SEC16A: variants seen among roughly 807,000 people sequenced by gnomAD.
The protein encoded by SEC16A is protein transport protein Sec16A.
In SEC16A, 110 loss-of-function variants were observed where a neutral mutation model predicts 221.9. The ratio of observed to expected loss-of-function variants is 0.50; its 90% CI spans 0.42 to 0.58. The LOEUF is 0.58. SEC16A is among the 20% of genes least tolerant of loss of function. The pLI is 0.00. For synonymous variants in SEC16A, 1,393 were observed against 1,257.7 expected (o/e 1.11, Z -2.28); for missense variants, 3,165 against 3,097.8 (o/e 1.02, Z -0.52).
chr9:136,468,212 A>G (rs1332838600), intron 5 of SEC16A, among the ~76,000 whole-genome samples: 1 of 152,272 alleles, frequency 6.6e-6, no homozygotes, highest in African/African-American at 2.4e-5. Context: ...GTAATTTAGT[A>G]ATGAAAAATA....
chr9:136,471,077 C>T (rs7861550), intron 4 of SEC16A, among the ~76,000 whole-genome samples: 3,380 of 152,036 alleles, frequency 0.022, 161 homozygotes, highest in African/African-American at 0.076. Context: ...GGCTACTCAG[C>T]TGAAGCCACA....
rs1330204930 is a variant in SEC16A, at chr9:136,446,949, T to C, written c.6698A>G (p.Asp2233Gly). The change falls in exon 28 of 32, where the codon GAT becomes GGT. Residue 2233 changes from aspartate (D) to glycine (G), a missense_variant and splice_region_variant. This residue lies in a region of SEC16A where 1,088 missense variants were observed against 1,089.6 expected (regional missense o/e 1.00). Transcript: ENST00000684901. ...GTCTGGAAGCTGTGGTTCTTCTGCA[T>C]CTGGGGATGAGAGAGCGAGGAGGCC... ...IPSNLFVPTP[D>G]AEEPQLPDGT... 6.2e-7 allele frequency: 1 copy of C among 1,613,446 alleles called. No individual in the cohort carries two copies. The highest frequency in any genetic ancestry group is 8.5e-7 in the Non-Finnish European group (1 of 1,179,866).
Position 136,475,039 on chromosome 9 carries a change from C to T in SEC16A, c.2577G>A (p.Trp859Ter). Residue 859 changes from tryptophan to a stop codon, truncating the protein, a stop_gained, in exon 3 of 32, where the codon TGG becomes TGA. Coordinates refer to ENST00000684901, the MANE Select transcript of SEC16A (RefSeq NM_014866.2). LOFTEE classifies it high-confidence loss of function. The surrounding 1 kb of genome is among the most constrained non-coding windows in gnomAD (Gnocchi z 5.0). ...LSNSHEKNQSWREALVGDRPA... is the reference protein window; with the variant it reads ...LSNSHEKNQS ...GTCTATCCCCCACCAAAGCCTCTCT[C>T]CAGGACTGATTCTTCTCATGAGAGT... 1 of 1,613,756 alleles carries T rather than the reference C, an allele frequency of 6.2e-7. No individual in the cohort carries two copies. The highest frequency in any genetic ancestry group is 1.1e-5 in the South Asian group (1 of 91,068).
rs778697154 is a variant in SEC16A at position 136,475,510 on chromosome 9, T to C, written c.2106A>G (p.Pro702=). 7 of 1,611,178 alleles carry C rather than the reference T, an allele frequency of 4.3e-6. No homozygotes were observed. In the South Asian group the frequency reaches 7.7e-5, roughly 18 times the overall value. Residue 702 remains proline, a synonymous_variant, in exon 3 of 32, where the codon CCA becomes CCG. Transcript: ENST00000684901. The surrounding 1 kb of genome is among the most constrained non-coding windows in gnomAD (Gnocchi z 5.0). The stretch of plus-strand genomic sequence containing the variant: ...TGGCTGAAGGCCTCTTCTCGGGTGC[T>C]GGATACACAGTATCCAAGGGCGGTG... ...AGAPPLDTVY[P]APEKRPSART... is the part of the protein sequence containing the mutation.
rs1841625555 is a variant in SEC16A at position 136,476,341 on chromosome 9, C to T, written c.1275G>A (p.Gln425=). Residue 425 remains glutamine, a synonymous_variant, in exon 3 of 32, where the codon CAG becomes CAA. Transcript: ENST00000684901. ...CATTGCTGGGGCCTGGGAGAAGGGC[C>T]TGGCAGAGGCTGCCTGCCCCCACGT... The part of the protein sequence containing the change: ...PTHVGAGSLC[Q]ALLPGPSNEA... 1 of 1,612,168 alleles carries T rather than the reference C, an allele frequency of 6.2e-7. No homozygotes were observed. The highest frequency in any genetic ancestry group is 2.2e-5 in the East Asian group (1 of 44,884).
Position 136,477,623 on chromosome 9 carries a change from C to A in SEC16A, c.-8G>T. The stretch of plus-strand genomic sequence containing the variant: ...CTGGGGCGGTGGCTGCATGACTGAA[C>A]CCTTGCACAAGTCGATGCTGCTTAC... On this transcript the variant is annotated 5_prime_UTR_variant, in exon 3 of 32. Transcript: ENST00000684901. 1.3e-6 allele frequency: 2 copies of A among 1,594,696 alleles called. No individual in the cohort carries two copies. The highest frequency in any genetic ancestry group is 1.1e-5 in the South Asian group (1 of 90,234).
rs1015544532 is a variant in SEC16A, at chr9:136,483,005, A to G, written c.-259T>C. ...CCCACCCGACGCTGGCGACGAGCAC[A>G]GACACCTCAGCCGCCGCAGCCATCT... is the stretch of plus-strand genomic sequence containing the variant. On this transcript the variant is annotated 5_prime_UTR_variant, in exon 1 of 32. Coordinates refer to ENST00000684901, the MANE Select transcript of SEC16A (RefSeq NM_014866.2). 1.0e-5 allele frequency: 10 copies of G among 985,098 alleles called. No homozygotes were observed. In the South Asian group the frequency reaches 3.3e-4, roughly 32 times the overall value. 61.0% of individuals were successfully genotyped at this position (985,098 alleles called of 1,614,324 possible).
At chr9:136,483,613 T>C, upstream of SEC16A, 1 of 985,324 alleles carries the variant, frequency 1.0e-6, no homozygotes, top group African/African-American at 1.7e-5. Flanking sequence ...TTTTTCGTTT[T>C]AAGATGTGAG....
intron 21 of SEC16A, among the ~76,000 whole-genome samples, chr9:136,453,849 T>G (rs547790094): frequency 6.6e-6 from 1 of 152,288 alleles, no homozygotes; most frequent in East Asian, 1.9e-4. Flanking sequence ...AGGAGACCCA[T>G]GGCCACCATG....
At chr9:136,464,106 C>A (rs1564500969) in intron 9 of SEC16A, among the ~76,000 whole-genome samples, 2 of 150,280 alleles carry the variant, frequency 1.3e-5, no homozygotes, top group South Asian at 4.2e-4. Context: ...CTGGGCAGCA[C>A]CGGGCCCACC....
At chr9:136,463,981 G>A (rs1839833038) in intron 9 of SEC16A, among the ~76,000 whole-genome samples, 1 of 152,214 alleles carries the variant, frequency 6.6e-6, no homozygotes, top group Non-Finnish European at 1.5e-5. Flanking sequence ...CCCAAATACT[G>A]AGGCAGAACC....
chr9:136,473,005 T>C (rs9657743), intron 3 of SEC16A, among the ~76,000 whole-genome samples: 19,382 of 152,304 alleles, frequency 0.13, 1,499 homozygotes, highest in Admixed American at 0.24. Context: ...TGAATGTCCT[T>C]GTATGGAAAT....
chr9:136,457,716 A>G (rs1361404063), intron 17 of SEC16A, 132 bp from the exon 18 acceptor site: 3 of 1,116,900 alleles, frequency 2.7e-6, no homozygotes, highest in African/African-American at 1.6e-5. Flanking sequence ...TCTTCTGGAC[A>G]CTTCACTCAT....
In SEC16A at chr9:136,474,188, G is replaced by A. The variant is rs1397040426; in HGVS notation, c.3428C>T (p.Pro1143Leu). ...TGGGCCGGGGGCAAGTGCAGGCACT[G>A]GCTGTGGCCACGGCTGCTCTGACGG... ...AVPSEQPWPQPVPALAPGPPP... is the reference protein window; with the variant it reads ...AVPSEQPWPQLVPALAPGPPP... Residue 1143 changes from proline (P) to leucine (L), a missense_variant, in exon 3 of 32, where the codon CCA becomes CTA. Transcript: ENST00000684901. The A allele has an allele frequency of 2.5e-6, 4 of 1,612,622 alleles. No individual in the cohort carries two copies. The highest frequency in any genetic ancestry group is 2.2e-5 in the South Asian group (2 of 91,030).
intron 5 of SEC16A, among the ~76,000 whole-genome samples, chr9:136,468,005 C>T (rs1840369393): frequency 6.6e-6 from 1 of 152,230 alleles, no homozygotes; most frequent in Non-Finnish European, 1.5e-5. Context: ...CAGCTGCCAG[C>T]CTCCTGTGGT....
In SEC16A at chr9:136,459,380, G is replaced by A; in HGVS notation, c.5303+64C>T. 1 of 1,431,716 alleles carries A rather than the reference G, an allele frequency of 7.0e-7. No individual in the cohort carries two copies. Among genetic ancestry groups the A allele is most frequent in the Non-Finnish European group, 9.6e-7 (1 of 1,038,374 alleles). The allele number at this position is 1,431,716 out of a possible 1,614,324, so 88.7% of individuals were successfully genotyped here. A position where few individuals can be genotyped will look rare whatever the true frequency, so the allele number is the denominator to read the frequency against. On this transcript the variant is annotated intron_variant, in intron 16 of 31. Transcript: ENST00000684901. This position sits in a 1 kb window ranked among gnomAD's most constrained non-coding sequence, Gnocchi z 6.1. ...TCTGGCCATTTCTGAATTCACTAAA[G>A]GAGAAGGATTTTGTTTTACTTTGAA...
chr9:136,466,912 C>G lies in SEC16A; in HGVS notation c.3929+45G>C. On this transcript the variant is annotated intron_variant, in intron 6 of 31. Coordinates refer to ENST00000684901, the MANE Select transcript of SEC16A (RefSeq NM_014866.2). The surrounding 1 kb of genome is among the most constrained non-coding windows in gnomAD (Gnocchi z 5.5). ...TGAGGGCAGAGAAGCACTAGCGCGC[C>G]CTGGCTGCCCCCAGCCTCTGCCTCC... 6.3e-7 allele frequency: 1 copy of G among 1,591,602 alleles called. No homozygotes were observed. The highest frequency in any genetic ancestry group is 1.8e-5 in the Admixed American group (1 of 56,568).
In SEC16A at chr9:136,476,945, G is replaced by A. The variant is rs560387522; in HGVS notation, c.671C>T (p.Pro224Leu). The A allele has an allele frequency of 3.7e-6, 6 of 1,612,730 alleles. No homozygotes were observed. The East Asian group carries it at 1.1e-4, about 30-fold the overall frequency. Reference sequence around the variant, plus strand: ...GCAGGGTGAACGATGTTGCCCCGAGGGCTGTGGGCCTCCCTGCACTGGCCC... The same window carrying A: ...GCAGGGTGAACGATGTTGCCCCGAGAGCTGTGGGCCTCCCTGCACTGGCCC... Reference protein sequence around the residue: ...QWGPVQGGPQPSGQHRSPCPE... With the variant: ...QWGPVQGGPQLSGQHRSPCPE... Residue 224 changes from proline (P) to leucine (L), a missense_variant, in exon 3 of 32, where the codon CCC (proline) becomes CTC (leucine). Pro to Leu is a moderately conservative substitution (Grantham distance 98). Transcript: ENST00000684901.
chr9:136,452,769 G>GAAA (rs35228326), intron 22 of SEC16A, among the ~76,000 whole-genome samples: 2 of 77,934 alleles, frequency 2.6e-5, no homozygotes, highest in Non-Finnish European at 4.7e-5. Context: ...ATGTCTTAGG[G>GAAA]AAAAAAAAAA....
Sources: allele counts gnomAD v4.1 joint callset (sites outside exome capture counted in the v4.1 genomes callset), GRCh38; gene constraint gnomAD v4.1.1; regional missense constraint gnomAD v4.1.1; non-coding constraint Gnocchi (gnomAD v3.1); transcripts MANE v1.5; gene names NCBI Gene and HGNC (gene_info 2026-07-23, HGNC 2026-07-21).